Variants in TAFA2 observed in about 807,000 individuals in gnomAD.
The protein encoded by TAFA2 is chemokine-like protein TAFA-2.
A neutral mutation model predicts 18.8 loss-of-function variants in TAFA2; 7 were observed. The ratio of observed to expected loss-of-function variants is 0.37; its 90% confidence interval spans 0.21 to 0.70. The LOEUF (loss-of-function observed/expected upper bound fraction) is 0.70, where lower values mean the gene tolerates loss of function less well. Ranked by LOEUF, TAFA2 falls within the 30% of genes least tolerant of loss-of-function variation. The probability of loss-of-function intolerance (pLI) is 0.53; values close to 1 mark genes in which losing one functional copy is unlikely to be tolerated. For missense variants in TAFA2, 122 were observed against 158.1 expected (o/e 0.77, Z 1.23); for synonymous variants, 60 against 54.2 (o/e 1.11, Z -0.47).
At chr12:61,941,383 G>A (rs1400453382) in intron 1 of TAFA2, among the ~76,000 whole-genome samples, 1 of 152,274 alleles carries the variant, frequency 6.6e-6, no homozygotes, top group Middle Eastern at 3.4e-3. Flanking sequence ...GAAAGTACTG[G>A]TCTAGTGAAT....
At chr12:61,916,040 C>T (rs1460035175) in intron 1 of TAFA2, among the ~76,000 whole-genome samples, 2 of 152,184 alleles carry the variant, frequency 1.3e-5, no homozygotes, top group African/African-American at 4.8e-5. Context: ...ACATGGGTTA[C>T]TTTGTCCCTG....
intron 4 of TAFA2, among the ~76,000 whole-genome samples, chr12:61,714,384 G>C (rs982059669): frequency 9.9e-5 from 15 of 152,220 alleles, no homozygotes; most frequent in Middle Eastern, 3.4e-3. Flanking sequence ...AATAATAATA[G>C]CTTTTCTGTC....
intron 4 of TAFA2, among the ~76,000 whole-genome samples, chr12:61,712,494 C>T (rs1487136003): frequency 1.3e-5 from 2 of 152,042 alleles, no homozygotes; most frequent in Non-Finnish European, 2.9e-5. Context: ...GATATATACA[C>T]ACACATAAAC....
intron 1 of TAFA2, among the ~76,000 whole-genome samples, chr12:61,894,345 G>T (rs886960770): frequency 7.2e-5 from 11 of 152,190 alleles, no homozygotes; most frequent in African/African-American, 2.4e-4. Flanking sequence ...GAGAAACAAA[G>T]GTCAGTTGCT....
chr12:62,047,054 T>C (rs1287622975), intron 1 of TAFA2, among the ~76,000 whole-genome samples: 1 of 152,012 alleles, frequency 6.6e-6, no homozygotes, highest in African/African-American at 2.4e-5. Context: ...AAAATGAATA[T>C]CATCTTAAAA....
chr12:61,767,893 T>C (rs1206132240), intron 2 of TAFA2, among the ~76,000 whole-genome samples: 1 of 152,144 alleles, frequency 6.6e-6, no homozygotes, highest in Non-Finnish European at 1.5e-5. Context: ...AGCTTTTCAT[T>C]GTTGTTGACA....
intron 1 of TAFA2, among the ~76,000 whole-genome samples, chr12:62,104,296 G>A (rs1235453710): frequency 3.3e-5 from 5 of 149,786 alleles, no homozygotes; most frequent in African/African-American, 4.9e-5. Flanking sequence ...AAAAGCTAAT[G>A]TAATGGTCTT....
intron 1 of TAFA2, among the ~76,000 whole-genome samples, chr12:62,182,855 T>C (rs2062560835): frequency 6.6e-6 from 1 of 152,232 alleles, no homozygotes; most frequent in Non-Finnish European, 1.5e-5. Flanking sequence ...TTCAGACCTA[T>C]ACTTCACAGC....
At chr12:61,940,611 C>T (rs1330087449) in intron 1 of TAFA2, among the ~76,000 whole-genome samples, 2 of 152,170 alleles carry the variant, frequency 1.3e-5, no homozygotes, top group African/African-American at 2.4e-5. Context: ...GCAGTCAACC[C>T]AAAGCCTGCC....
At chr12:61,976,457 A>T (rs141325038) in intron 1 of TAFA2, among the ~76,000 whole-genome samples, 2,728 of 152,126 alleles carry the variant, frequency 0.018, 33 homozygotes, top group Non-Finnish European at 0.028. Flanking sequence ...CTCCTAACAA[A>T]TAAAAACAAA....
chr12:61,829,868 A>C (rs1166028730), intron 2 of TAFA2, among the ~76,000 whole-genome samples: 2 of 151,804 alleles, frequency 1.3e-5, no homozygotes, highest in African/African-American at 4.8e-5. Flanking sequence ...GCCTTAAGAG[A>C]AAAATGTCCT....
intron 1 of TAFA2, among the ~76,000 whole-genome samples, chr12:61,924,014 A>G (rs1161428963): frequency 2.0e-5 from 3 of 151,708 alleles, no homozygotes; most frequent in Non-Finnish European, 4.4e-5. Context: ...TAATGAAATA[A>G]AACATGAAGA....
chr12:62,112,266 T>A (rs1381854053), intron 1 of TAFA2, among the ~76,000 whole-genome samples: 1 of 152,238 alleles, frequency 6.6e-6, no homozygotes, highest in Non-Finnish European at 1.5e-5. Flanking sequence ...TGGCTGGATA[T>A]GAAATTCTGT....
Position 62,191,393 on chromosome 12 carries a change from C to G in TAFA2, c.-136G>C, listed in dbSNP as rs984910884. The G allele has an allele frequency of 6.6e-6, 1 of 152,480 alleles. No individual in the cohort carries two copies. Among genetic ancestry groups the G allele is most frequent in the Admixed American group, 6.5e-5 (1 of 15,288 alleles). 9.4% of individuals were successfully genotyped at this position (152,480 alleles called of 1,614,324 possible). A position where few individuals can be genotyped will look rare whatever the true frequency, so the allele number is the denominator to read the frequency against. Reference sequence around the variant, plus strand: ...GTCACCATCCAGGGGCATAGGGAACCGAAGTCTGGTGCTGTGTGATCGTGG... The same window carrying G: ...GTCACCATCCAGGGGCATAGGGAACGGAAGTCTGGTGCTGTGTGATCGTGG... On this transcript the variant is annotated 5_prime_UTR_variant, in exon 1 of 5. Transcript: ENST00000416284.
At chr12:61,929,098 G>A (rs1239708473) in intron 1 of TAFA2, among the ~76,000 whole-genome samples, 2 of 151,028 alleles carry the variant, frequency 1.3e-5, no homozygotes. Flanking sequence ...TACAGCACAT[G>A]TATACCTATG....
intron 1 of TAFA2, among the ~76,000 whole-genome samples, chr12:61,873,953 T>C (rs934014345): frequency 6.6e-6 from 1 of 152,180 alleles, no homozygotes; most frequent in Non-Finnish European, 1.5e-5. Context: ...AATTAGGAGA[T>C]AATAATGTAA....
intron 1 of TAFA2, among the ~76,000 whole-genome samples, chr12:62,143,679 C>A (rs1429149425): frequency 2.0e-5 from 3 of 152,144 alleles, no homozygotes; most frequent in Admixed American, 6.6e-5. Context: ...CCACCCCCCA[C>A]AACCTTATTA....
At chr12:61,839,922 T>C (rs1260954398) in intron 2 of TAFA2, among the ~76,000 whole-genome samples, 1 of 151,804 alleles carries the variant, frequency 6.6e-6, no homozygotes, top group Non-Finnish European at 1.5e-5. Flanking sequence ...ATAAGAATAC[T>C]GAGAAAAAAT....
intron 1 of TAFA2, among the ~76,000 whole-genome samples, chr12:61,999,221 C>T (rs1328154796): frequency 6.6e-6 from 1 of 152,190 alleles, no homozygotes; most frequent in African/African-American, 2.4e-5. Context: ...CTAAAGCATG[C>T]CCCTTCTTCA....
Sources: gnomAD v4.1 joint callset for allele counts (sites outside exome capture counted in the v4.1 genomes callset) on GRCh38, gnomAD v4.1.1 for gene constraint, MANE v1.5 for transcripts, NCBI Gene and HGNC (gene_info 2026-07-23, HGNC 2026-07-21) for gene names.